Variants in DHPS observed in about 807,000 individuals in gnomAD.
The protein encoded by DHPS is deoxyhypusine synthase.
Under a neutral mutation model 38.7 loss-of-function variants are expected in DHPS, and 24 were observed. The ratio of observed to expected loss-of-function variants is 0.62; its 90% CI spans 0.45 to 0.87. The LOEUF (loss-of-function observed/expected upper bound fraction) is 0.87. Ranked by LOEUF, DHPS falls within the 40% of genes least tolerant of loss-of-function variation. The pLI, the probability that DHPS is intolerant of heterozygous loss-of-function variation, is 0.00. For missense variants in DHPS, 510 were observed against 497.6 expected (o/e 1.02, Z -0.24); for synonymous variants, 250 against 204.4 (o/e 1.22, Z -1.90).
downstream of DHPS, among the ~76,000 whole-genome samples, chr19:12,673,526 T>C (rs1377198728): frequency 6.7e-6 from 1 of 148,344 alleles, no homozygotes; most frequent in Non-Finnish European, 1.5e-5. Flanking sequence ...CAAGCGATTC[T>C]CCTGCCTCAG....
chr19:12,676,270 G>A (rs910480541), intron 7 of DHPS, 128 bp from the exon 8 acceptor site: 12 of 1,199,438 alleles, frequency 1.0e-5, no homozygotes, highest in East Asian at 2.6e-5. Flanking sequence ...ACAGACATTC[G>A]CTCCCAGACA....
At chr19:12,681,252 C>A (rs2024800031) in intron 1 of DHPS, 2 of 1,289,182 alleles carry the variant, frequency 1.6e-6, no homozygotes, top group African/African-American at 3.0e-5. Context: ...CCATATCCTC[C>A]CTTAATTTGT....
At chr19:12,678,768 CAAAAAAAA>C (rs1183531365) in intron 5 of DHPS, among the ~76,000 whole-genome samples, 1,448 of 46,314 alleles carry the variant, frequency 0.031, 31 homozygotes, top group African/African-American at 0.13. Context: ...GACTCTGTCT[CAAAAAAAA>C]AAAAAAAAAA....
In DHPS at chr19:12,681,575, C is replaced by CTGTA; in HGVS notation, c.188_191dup (p.Gln64HisfsTer19). ...CGGTCCTCACCATGGCATTGACTTG[C>CTGTA]TGTACAGCGCGCCCGAAGTTGGTTG... On this transcript the variant is annotated frameshift_variant, in exon 1 of 9. Coordinates refer to ENST00000210060, the MANE Select transcript of DHPS (RefSeq NM_001930.4). LOFTEE classifies it high-confidence loss of function. The CTGTA allele has an allele frequency of 6.2e-7, 1 of 1,614,284 alleles. No homozygotes were observed. Among genetic ancestry groups the CTGTA allele is most frequent in the Non-Finnish European group, 8.5e-7 (1 of 1,180,056 alleles).
At position 12,681,572 on chromosome 19, in the gene DHPS, T is replaced by G; in HGVS notation, c.195A>C (p.Gln65His). The change falls in exon 1 of 9, where the codon CAA becomes CAC. Residue 65 changes from glutamine to histidine, a missense_variant. By Grantham distance (24) the Gln-to-His change is conservative. Transcript: ENST00000210060. The stretch of plus-strand genomic sequence containing the variant: ...GCCCGGTCCTCACCATGGCATTGAC[T>G]TGCTGTACAGCGCGCCCGAAGTTGG... The part of the protein sequence containing the change: ...QATNFGRAVQ[Q>H]VNAMIEKKLE... 7 of 1,614,290 alleles carry G rather than the reference T, an allele frequency of 4.3e-6. No homozygotes were observed. The highest frequency in any genetic ancestry group is 5.9e-6 in the Non-Finnish European group (7 of 1,180,056).
rs144880677 is a variant in DHPS at position 12,676,671 on chromosome 19, C to G, written c.888+437G>C. The stretch of plus-strand genomic sequence containing the variant: ...CCTCACCACTCCACCTTCCCCTCAC[C>G]AGGTACCCAGCTGTTCCTGGATTAC... On this transcript the variant is annotated intron_variant, in intron 7 of 8. Coordinates refer to ENST00000210060, the MANE Select transcript of DHPS (RefSeq NM_001930.4). 4.0e-5 allele frequency: 10 copies of G among 248,234 alleles called. No individual in the cohort carries two copies. The East Asian group carries it at 9.8e-4, about 24-fold the overall frequency. 15.4% of individuals were successfully genotyped at this position (248,234 alleles called of 1,614,324 possible). A position where few individuals can be genotyped will look rare whatever the true frequency, so the allele number is the denominator to read the frequency against.
At chr19:12,674,754 G>A (rs980012911), downstream of DHPS, among the ~76,000 whole-genome samples, 1 of 152,136 alleles carries the variant, frequency 6.6e-6, no homozygotes, top group African/African-American at 2.4e-5. Flanking sequence ...CAGAAAATCA[G>A]CAGTCTCTGG....
rs757640082 is a variant in DHPS at position 12,675,793 on chromosome 19, T to C, written c.*45A>G. The C allele has an allele frequency of 6.4e-7, 1 of 1,567,728 alleles. No homozygotes were observed. The highest frequency in any genetic ancestry group is 8.7e-7 in the Non-Finnish European group (1 of 1,154,590). On this transcript the variant is annotated 3_prime_UTR_variant, in exon 9 of 9. Transcript: ENST00000210060. Reference sequence around the variant, plus strand: ...TAGGGGAGGGGCTGGGTCTGCAAATTAATAAATAGAAGAGGGGGTAAGACC... The same window carrying C: ...TAGGGGAGGGGCTGGGTCTGCAAATCAATAAATAGAAGAGGGGGTAAGACC...
rs762435522 is a variant in DHPS at position 12,679,486 on chromosome 19, G to C, written c.649C>G (p.Pro217Ala). Residue 217 changes from proline to alanine, a missense_variant, in exon 5 of 9, where the codon CCA (proline) becomes GCA (alanine). Transcript: ENST00000210060. ...IARLGKEINN[P>A]ESVYYWAQKN... ...TGGGCCCAGTAATACACGGACTCTG[G>C]GTTGTTGATCTCCTTGCCCAGCCGG... 1.9e-6 allele frequency: 3 copies of C among 1,614,138 alleles called. No homozygotes were observed. The South Asian group carries it at 3.3e-5, about 18-fold the overall frequency.
chr19:12,680,816 G>A (rs1004024465), intron 1 of DHPS, among the ~76,000 whole-genome samples: 32 of 146,300 alleles, frequency 2.2e-4, no homozygotes, highest in Non-Finnish European at 2.2e-4. Context: ...TTACAGGCAT[G>A]AGCCACCGTG....
At chr19:12,681,203 A>C in intron 1 of DHPS, 2 of 1,226,008 alleles carry the variant, frequency 1.6e-6, no homozygotes, top group East Asian at 5.9e-5. Context: ...GGAAAAGCAA[A>C]TCTAAATTCA....
rs758418180 is a variant in DHPS, at chr19:12,677,190, T to C, written c.806A>G (p.Gln269Arg). The change falls in exon 7 of 9, where the codon CAG becomes CGG. Residue 269 changes from glutamine to arginine, a missense_variant. By Grantham distance (43) the Gln-to-Arg change is conservative. Coordinates refer to ENST00000210060, the MANE Select transcript of DHPS (RefSeq NM_001930.4). The stretch of plus-strand genomic sequence containing the variant: ...CCCAGTGCACTTGGCAAAGATGGCC[T>C]GTGTGTTGATGAGCCTCAGGTCTGG... ...IVEDLRLINT[Q>R]AIFAKCTGMI... 46 of 1,614,134 alleles carry C rather than the reference T, an allele frequency of 2.8e-5. No homozygotes were observed. Among genetic ancestry groups the C allele is most frequent in the Non-Finnish European group, 3.6e-5 (43 of 1,180,050 alleles).
Position 12,679,873 on chromosome 19 carries a change from TTGA to T in DHPS, c.419_421del (p.Ile140del). 3 of 1,614,158 alleles carry T rather than the reference TTGA, an allele frequency of 1.9e-6. No individual in the cohort carries two copies. Among genetic ancestry groups the T allele is most frequent in the Middle Eastern group, 1.6e-4 (1 of 6,062 alleles). Reference sequence around the variant, plus strand: ...GCCCAAGTATGTGGGCGCCAGGCACTTGATGAGGTCTTCCTCCACGCCGCCAGC... The same window carrying T: ...GCCCAAGTATGTGGGCGCCAGGCACTTGAGGTCTTCCTCCACGCCGCCAGC... On this transcript the variant is annotated inframe_deletion, in exon 3 of 9. Coordinates refer to ENST00000210060, the MANE Select transcript of DHPS (RefSeq NM_001930.4).
chr19:12,681,488 C>G (rs987693279), intron 1 of DHPS, 72 bp downstream of exon 1: 30 of 1,544,948 alleles, frequency 1.9e-5, no homozygotes, highest in East Asian at 4.6e-5. Flanking sequence ...GAAACGCTGC[C>G]CCCGTCTAGT....
Position 12,675,807 on chromosome 19 carries a change from G to T in DHPS, c.*31C>A. 2 of 1,571,162 alleles carry T rather than the reference G, an allele frequency of 1.3e-6. No homozygotes were observed. Among genetic ancestry groups the T allele is most frequent in the Non-Finnish European group, 1.7e-6 (2 of 1,156,328 alleles). On this transcript the variant is annotated 3_prime_UTR_variant, in exon 9 of 9. Transcript: ENST00000210060. ...GGTCTGCAAATTAATAAATAGAAGA[G>T]GGGGTAAGACCTTCCTGGGACCGCA...
Position 12,675,889 on chromosome 19 carries a change from T to C in DHPS, c.1059A>G (p.Glu353=). The C allele has an allele frequency of 6.2e-7, 1 of 1,610,262 alleles. No homozygotes were observed. Among genetic ancestry groups the C allele is most frequent in the Non-Finnish European group, 8.5e-7 (1 of 1,178,204 alleles). Residue 353 remains glutamate (E), a synonymous_variant, in exon 9 of 9, where the codon GAA becomes GAG. Transcript: ENST00000210060. ...AGGCATCCATCTTCTGGGCAAAGGT[T>C]TCAGCCACAAGCAGGGGGAAGACCA... ...ASLVFPLLVA[E]TFAQKMDAFM... is the part of the protein sequence containing the mutation.
At position 12,675,872 on chromosome 19, in the gene DHPS, ATCT is replaced by A. The variant is rs1299621628; in HGVS notation, c.1073_1075del (p.Lys358del). On this transcript the variant is annotated inframe_deletion, in exon 9 of 9. Coordinates refer to ENST00000210060, the MANE Select transcript of DHPS (RefSeq NM_001930.4). Reference sequence around the variant, plus strand: ...GTTCTTCTCATGCATGAAGGCATCCATCTTCTGGGCAAAGGTTTCAGCCACAAG... The same window carrying A: ...GTTCTTCTCATGCATGAAGGCATCCATCTGGGCAAAGGTTTCAGCCACAAG... The A allele has an allele frequency of 6.2e-7, 1 of 1,609,666 alleles. No homozygotes were observed. Among genetic ancestry groups the A allele is most frequent in the East Asian group, 2.2e-5 (1 of 44,840 alleles).
At chr19:12,674,215 T>C (rs2024504842), downstream of DHPS, among the ~76,000 whole-genome samples, 2 of 152,148 alleles carry the variant, frequency 1.3e-5, no homozygotes, top group South Asian at 4.1e-4. Context: ...TGTCTAACCT[T>C]GGGTGAGATA....
downstream of DHPS, chr19:12,675,526 G>A (rs774316076): frequency 3.3e-5 from 53 of 1,604,194 alleles, no homozygotes; most frequent in Non-Finnish European, 4.4e-5. Flanking sequence ...TCCACAGGGT[G>A]CGCTGGCTCT....
Sources: allele counts gnomAD v4.1 joint callset (sites outside exome capture counted in the v4.1 genomes callset), GRCh38; gene constraint gnomAD v4.1.1; transcripts MANE v1.5; gene names NCBI Gene and HGNC (gene_info 2026-07-23, HGNC 2026-07-21).